The following PCGF3 variants were observed in gnomAD, a reference collection of about 807,000 sequenced individuals.
PCGF3 encodes the protein polycomb group ring finger 3, also known as polycomb group RING finger protein 3.
Under a neutral mutation model 33.1 loss-of-function variants are expected in PCGF3, and 7 were observed. The observed-to-expected ratio is 0.21, with a 90% CI of 0.12 to 0.40. PCGF3 has a LOEUF of 0.40. PCGF3 is among the 10% of genes least tolerant of loss of function. The pLI, the probability that PCGF3 is intolerant of heterozygous loss-of-function variation, is 1.00. For synonymous variants in PCGF3, 153 were observed against 121.3 expected (o/e 1.26, Z -1.72); for missense variants, 211 against 313.3 (o/e 0.67, Z 2.46).
chr4:737,651 T>C lies in PCGF3; in HGVS notation c.262+130T>C, dbSNP rs1372449223. 4.5e-6 allele frequency: 3 copies of C among 660,218 alleles called. No homozygotes were observed. The African/African-American group carries it at 5.4e-5, about 12-fold the overall frequency. 40.9% of individuals were successfully genotyped at this position (660,218 alleles called of 1,614,324 possible). On this transcript the variant is annotated intron_variant, in intron 6 of 10. Transcript: ENST00000362003. ...GGCCGAATCACCGTCTTCTCATCCC[T>C]GCTCTCAGCCCAACTTCATCTCCTT... is the stretch of plus-strand genomic sequence containing the variant.
intron 8 of PCGF3, among the ~76,000 whole-genome samples, chr4:753,837 A>G (rs577390079): frequency 6.6e-6 from 1 of 151,228 alleles, no homozygotes; most frequent in African/African-American, 2.4e-5. Flanking sequence ...AATCCCAGCT[A>G]CTCGGAGGCT....
intron 8 of PCGF3, among the ~76,000 whole-genome samples, chr4:750,604 A>T (rs548738198): frequency 6.6e-6 from 1 of 152,168 alleles, no homozygotes; most frequent in Non-Finnish European, 1.5e-5. Flanking sequence ...TGAAGATTAA[A>T]TGATTTCCTA....
At chr4:744,092 G>GGGGT in intron 7 of PCGF3, 1 of 163,814 alleles carries the variant, frequency 6.1e-6, no homozygotes, top group South Asian at 1.7e-4. Context: ...GAGGGGCCTG[G>GGGGT]CTCTGTCACC....
chr4:736,260 C>T (rs1743816810), intron 5 of PCGF3, among the ~76,000 whole-genome samples: 1 of 152,142 alleles, frequency 6.6e-6, no homozygotes, highest in Non-Finnish European at 1.5e-5. Context: ...GTTGGCCAGG[C>T]TGGTTTCAAA....
chr4:727,747 C>A (rs1166786163), intron 1 of PCGF3, among the ~76,000 whole-genome samples: 1 of 152,184 alleles, frequency 6.6e-6, no homozygotes, highest in Non-Finnish European at 1.5e-5. Flanking sequence ...AAAAGGATGA[C>A]TAACCGTTTT....
chr4:744,060 G>C (rs550546363), intron 7 of PCGF3: 1 of 165,422 alleles, frequency 6.0e-6, no homozygotes, highest in Non-Finnish European at 1.3e-5. Flanking sequence ...TCCTCCGGGC[G>C]TCTGTGACAG....
chr4:768,758 G>C (rs1745491464), exon 11 of PCGF3: 1 of 152,492 alleles, frequency 6.6e-6, no homozygotes, highest in Non-Finnish European at 1.5e-5. Context: ...CCAATTGTTT[G>C]GTTTCAGTGG....
At chr4:736,550 T>G (rs1743837315) in intron 5 of PCGF3, among the ~76,000 whole-genome samples, 1 of 117,014 alleles carries the variant, frequency 8.5e-6, no homozygotes. Context: ...GAACCTGGGG[T>G]GTCCGCAGGG....
chr4:752,003 G>C (rs1314697963), intron 8 of PCGF3, among the ~76,000 whole-genome samples: 1 of 152,260 alleles, frequency 6.6e-6, no homozygotes, highest in African/African-American at 2.4e-5. Context: ...GCTGAGCAAC[G>C]CAAAAGCGTG....
chr4:765,604 C>T (rs539975536), intron 10 of PCGF3, among the ~76,000 whole-genome samples: 1 of 152,300 alleles, frequency 6.6e-6, no homozygotes, highest in South Asian at 2.1e-4. Context: ...GCAGAGGGTC[C>T]CCTGGGGCCT....
intron 10 of PCGF3, 98 bp downstream of exon 10, chr4:765,162 A>G (rs1178811344): frequency 2.5e-5 from 21 of 828,002 alleles, no homozygotes; most frequent in South Asian, 9.1e-5. Context: ...AGCTGGGTGC[A>G]GTGGCTCATG....
chr4:763,568 C>G (rs1745189299), intron 9 of PCGF3, among the ~76,000 whole-genome samples: 2 of 152,236 alleles, frequency 1.3e-5, no homozygotes, highest in African/African-American at 4.8e-5. Context: ...ATCCCAAGCA[C>G]TGACAACACA....
intron 1 of PCGF3, among the ~76,000 whole-genome samples, chr4:709,912 G>A (rs146795095): frequency 3.0e-4 from 45 of 152,270 alleles, no homozygotes; most frequent in African/African-American, 9.9e-4. Context: ...CTTCTGATTT[G>A]CTCTTTTGAC....
chr4:763,949 C>A (rs1038090411), intron 9 of PCGF3, among the ~76,000 whole-genome samples: 6 of 152,202 alleles, frequency 3.9e-5, no homozygotes, highest in Non-Finnish European at 7.3e-5. Context: ...GTAGAGAAGC[C>A]CCTCTGAAAA....
Position 763,454 on chromosome 4 carries a change from C to T in PCGF3, c.601-1530C>T, listed in dbSNP as rs375392880. Among the ~76,000 whole-genome samples the T allele has an allele frequency of 1.2e-4, 19 of 152,336 alleles. No homozygotes were observed. The South Asian group carries it at 2.5e-3, about 20-fold the overall frequency. On this transcript the variant is annotated intron_variant, in intron 9 of 10. Transcript: ENST00000362003. ...GCCACTCAGGCAGGTGGGGCTGCTT[C>T]AATTCATGCCTTCCCCAGGGAGGAA... is the stretch of plus-strand genomic sequence containing the variant.
chr4:752,821 C>T (rs1158985428), intron 8 of PCGF3, among the ~76,000 whole-genome samples: 2 of 152,252 alleles, frequency 1.3e-5, no homozygotes, highest in African/African-American at 4.8e-5. Context: ...ATTCCCGCCG[C>T]CTTCAGGCCC....
chr4:723,110 T>A (rs1577403422), intron 1 of PCGF3, among the ~76,000 whole-genome samples: 1 of 135,188 alleles, frequency 7.4e-6, no homozygotes. Context: ...CACACTCGCG[T>A]CATCGCCGTC....
At chr4:761,374 G>A in exon 9 of PCGF3, 1 of 1,612,144 alleles carries the variant, frequency 6.2e-7, no homozygotes, top group Non-Finnish European at 8.5e-7. Flanking sequence ...TGCATCTGAA[G>A]AAGTTCATCG....
intron 1 of PCGF3, among the ~76,000 whole-genome samples, chr4:726,095 C>T (rs1343721844): frequency 4.6e-5 from 7 of 152,214 alleles, no homozygotes; most frequent in Non-Finnish European, 7.3e-5. Context: ...CAGAGGCTGG[C>T]GGGCAGGAAT....
Sources: gnomAD v4.1 joint callset for allele counts (sites outside exome capture counted in the v4.1 genomes callset) on GRCh38, gnomAD v4.1.1 for gene constraint, MANE v1.5 for transcripts, NCBI Gene and HGNC (gene_info 2026-07-23, HGNC 2026-07-21) for gene names.